Variants in BAZ2B observed in about 807,000 individuals in gnomAD.
The protein encoded by BAZ2B is bromodomain adjacent to zinc finger domain protein 2B.
BAZ2B carries 91 observed loss-of-function variants against 246.0 expected under a neutral mutation model. The observed-to-expected ratio is 0.37, with a 90% CI of 0.31 to 0.44. The LOEUF is 0.44. Among genes scored for constraint, BAZ2B ranks in the 20% least tolerant of loss-of-function variants. The pLI, the probability that BAZ2B is intolerant of heterozygous loss-of-function variation, is 1.00. For synonymous variants in BAZ2B, 855 were observed against 860.0 expected, an observed-to-expected ratio of 0.99 and a Z score of 0.10; for missense variants, 2,332 against 2,533.7, an observed-to-expected ratio of 0.92 and a Z score of 1.71.
chr2:159,459,502 A>G (rs2076164616), intron 3 of BAZ2B: 3 of 152,228 alleles, frequency 2.0e-5, no homozygotes, highest in Non-Finnish European at 4.4e-5. Flanking sequence ...CTTTTTATAC[A>G]GCAGGGATTG....
At chr2:159,582,050 C>T (rs573260771) in intron 1 of BAZ2B, among the ~76,000 whole-genome samples, 1 of 79,292 alleles carries the variant, frequency 1.3e-5, no homozygotes, top group South Asian at 5.2e-4. Context: ...CACATGTACC[C>T]TAGAACTTAA....
chr2:159,478,540 G>T, intron 3 of BAZ2B, 35 bp downstream of exon 3: 2 of 1,562,502 alleles, frequency 1.3e-6, no homozygotes, highest in Admixed American at 2.0e-5. Context: ...TTAAAAGAAT[G>T]GCATTCTAAA....
intron 20 of BAZ2B, among the ~76,000 whole-genome samples, chr2:159,393,037 A>G (rs1576470870): frequency 7.3e-6 from 1 of 136,644 alleles, no homozygotes; most frequent in East Asian, 1.9e-4. Context: ...TGACTGAACA[A>G]CAAATAGGAA....
chr2:159,553,222 CTG>C (rs2088558105), intron 2 of BAZ2B, among the ~76,000 whole-genome samples: 2 of 151,626 alleles, frequency 1.3e-5, no homozygotes, highest in Non-Finnish European at 2.9e-5. Context: ...TGATAAAACC[CTG>C]TCTCTACTAA....
intron 6 of BAZ2B, among the ~76,000 whole-genome samples, chr2:159,439,769 T>A (rs997055807): frequency 6.6e-6 from 1 of 152,084 alleles, no homozygotes; most frequent in South Asian, 2.1e-4. Context: ...GTAGAGAAGA[T>A]AAAGTAGGGT....
intron 36 of BAZ2B, among the ~76,000 whole-genome samples, chr2:159,320,841 C>T (rs1281013838): frequency 6.6e-6 from 1 of 152,118 alleles, no homozygotes; most frequent in Non-Finnish European, 1.5e-5. Context: ...GTCAATGCTC[C>T]CCATGCAATG....
At chr2:159,634,054 T>C in the BAZ2B span, among the ~76,000 whole-genome samples, 18 of 152,160 alleles carry the variant, frequency 1.2e-4, no homozygotes, top group Non-Finnish European at 2.6e-4. Context: ...TTTCACTGTA[T>C]TCTAAAAAAT....
At chr2:159,614,359 A>T (rs1212881852) in intron 1 of BAZ2B, among the ~76,000 whole-genome samples, 1 of 152,204 alleles carries the variant, frequency 6.6e-6, no homozygotes, top group East Asian at 1.9e-4. Context: ...TTAAATACTC[A>T]ATAATTGTTT....
At chr2:159,547,183 C>T (rs1415868010) in intron 2 of BAZ2B, among the ~76,000 whole-genome samples, 6 of 152,116 alleles carry the variant, frequency 3.9e-5, no homozygotes, top group Non-Finnish European at 8.8e-5. Context: ...GCAAAATAAA[C>T]AGCATACTTT....
chr2:159,520,409 G>A (rs2084003851), intron 2 of BAZ2B, among the ~76,000 whole-genome samples: 1 of 151,872 alleles, frequency 6.6e-6, no homozygotes, highest in Non-Finnish European at 1.5e-5. Flanking sequence ...TACTTGAAGG[G>A]CCCATAAAAG....
chr2:159,414,109 C>A (rs907319218), intron 13 of BAZ2B, among the ~76,000 whole-genome samples: 5 of 152,164 alleles, frequency 3.3e-5, no homozygotes, highest in African/African-American at 1.2e-4. Flanking sequence ...TCATTTGCAA[C>A]AACATCATGG....
upstream of BAZ2B, among the ~76,000 whole-genome samples, chr2:159,620,509 A>T (rs1696388359): frequency 1.3e-5 from 2 of 152,194 alleles, no homozygotes; most frequent in South Asian, 4.1e-4. Context: ...TTGTGAGAAT[A>T]AAGAGGATGA....
chr2:159,400,611 C>T lies in BAZ2B; in HGVS notation c.2886G>A (p.Gln962=), dbSNP rs2064842368. The T allele has an allele frequency of 6.4e-7, 1 of 1,569,976 alleles. No individual in the cohort carries two copies. Among genetic ancestry groups the T allele is most frequent in the Middle Eastern group, 1.7e-4 (1 of 5,816 alleles). Residue 962 remains glutamine, a synonymous_variant, in exon 17 of 37, where the codon CAG becomes CAA. Coordinates refer to ENST00000392783, the MANE Select transcript of BAZ2B (RefSeq NM_013450.4). ...QIRMEKELRA[Q]QILEAKKKKK... is the part of the protein sequence containing the mutation. ...TTAAGACTTCTACCTCTAGAATTTG[C>T]TGAGCTCGAAGTTCTTTTTCCATTC...
intron 21 of BAZ2B, among the ~76,000 whole-genome samples, chr2:159,387,063 T>G (rs1470247303): frequency 6.6e-6 from 1 of 152,134 alleles, no homozygotes; most frequent in Non-Finnish European, 1.5e-5. Context: ...AAATCACACT[T>G]TTTTTGTAGC....
chr2:159,589,067 G>A (rs1249568919), intron 1 of BAZ2B, among the ~76,000 whole-genome samples: 1 of 152,184 alleles, frequency 6.6e-6, no homozygotes, highest in East Asian at 1.9e-4. Flanking sequence ...CTTTTAAAAT[G>A]TGGGAAGAAA....
At chr2:159,580,291 A>T (rs918594065) in intron 1 of BAZ2B, among the ~76,000 whole-genome samples, 47 of 152,164 alleles carry the variant, frequency 3.1e-4, no homozygotes, top group Non-Finnish European at 6.0e-4. Flanking sequence ...AAACAGCCAA[A>T]TCATGAGTGA....
At chr2:159,320,608 G>A (rs2062603913) in intron 36 of BAZ2B, among the ~76,000 whole-genome samples, 190 bp from the exon 37 acceptor site, 1 of 152,094 alleles carries the variant, frequency 6.6e-6, no homozygotes, top group Non-Finnish European at 1.5e-5. Flanking sequence ...GGAACATACT[G>A]GATTTAAAGA....
intron 1 of BAZ2B, among the ~76,000 whole-genome samples, chr2:159,559,996 G>T (rs372647472): frequency 6.6e-6 from 1 of 152,130 alleles, no homozygotes; most frequent in African/African-American, 2.4e-5. Flanking sequence ...TGTGGGAAAA[G>T]AATTTTAAGT....
chr2:159,408,878 C>T (rs561051846), intron 14 of BAZ2B, among the ~76,000 whole-genome samples: 7 of 152,060 alleles, frequency 4.6e-5, no homozygotes. Flanking sequence ...GAGATCGCGC[C>T]ATTGCACTTC....
Sources: gnomAD v4.1 joint callset for allele counts (sites outside exome capture counted in the v4.1 genomes callset) on GRCh38, gnomAD v4.1.1 for gene constraint, MANE v1.5 for transcripts, NCBI Gene and HGNC (gene_info 2026-07-23, HGNC 2026-07-21) for gene names.